Variants in ZSWIM6 observed in about 807,000 individuals in gnomAD.
ZSWIM6 encodes the protein zinc finger SWIM domain-containing protein 6.
Under a neutral mutation model 113.2 loss-of-function variants are expected in ZSWIM6, and 9 were observed. That is an observed-to-expected ratio of 0.08 (90% CI 0.05 to 0.14). ZSWIM6 has a LOEUF of 0.14. ZSWIM6 is among the 10% of genes least tolerant of loss of function. The probability of loss-of-function intolerance (pLI) is 1.00; values close to 1 mark genes in which losing one functional copy is unlikely to be tolerated. For synonymous variants in ZSWIM6, 611 were observed against 606.5 expected, an observed-to-expected ratio of 1.01 and a Z score of -0.11; for missense variants, 1,162 against 1,552.2, an observed-to-expected ratio of 0.75 and a Z score of 4.22.
At chr5:61,379,369 GT>G (rs1205495914) in intron 1 of ZSWIM6, among the ~76,000 whole-genome samples, 1 of 150,330 alleles carries the variant, frequency 6.7e-6, no homozygotes, top group African/African-American at 2.5e-5. Context: ...GATTTGTGAA[GT>G]GTTTTATTGC....
chr5:61,453,872 A>G lies in ZSWIM6; in HGVS notation c.677-18809A>G, dbSNP rs919394100. 8.6e-5 allele frequency among the ~76,000 whole-genome samples: 13 copies of G among 151,368 alleles called. No individual in the cohort carries two copies. In the South Asian group the frequency reaches 1.5e-3, roughly 17 times the overall value. ...TTATTAATAAAATATTGGGGGGGGG[A>G]AGATACTTTGAGGCTATGCAGATAT... On this transcript the variant is annotated intron_variant, in intron 1 of 13. Coordinates refer to ENST00000252744, the MANE Select transcript of ZSWIM6 (RefSeq NM_020928.2).
intron 1 of ZSWIM6, chr5:61,391,868 A>G (rs1745722774): frequency 6.0e-6 from 4 of 666,056 alleles, no homozygotes; most frequent in Non-Finnish European, 1.0e-5. Context: ...CTTCTGTGAG[A>G]CATCATGCCA....
rs374530523 is a variant in ZSWIM6 at position 61,464,300 on chromosome 5, C to T, written c.677-8381C>T. ...CCTCCCAAAGTGTTGGGATTACAGG[C>T]GTGAGCCACCATGCCTTGCCTCCCT... On this transcript the variant is annotated intron_variant, in intron 1 of 13. Coordinates refer to ENST00000252744, the MANE Select transcript of ZSWIM6 (RefSeq NM_020928.2). Among the ~76,000 whole-genome samples the T allele has an allele frequency of 1.2e-3, 187 of 150,474 alleles. 1 individual carries two copies. The highest frequency in any genetic ancestry group is 3.5e-3 in the African/African-American group (142 of 40,978).
chr5:61,427,278 A>T lies in ZSWIM6; in HGVS notation c.677-45403A>T, dbSNP rs12522321. On this transcript the variant is annotated intron_variant, in intron 1 of 13. Transcript: ENST00000252744. The stretch of plus-strand genomic sequence containing the variant: ...CCTAGGATGCTTAAGTCCCTTATAT[A>T]AAATGGCATTTGGCTATTTTATATA... Among the ~76,000 whole-genome samples, 481 of 152,330 alleles carry T rather than the reference A, an allele frequency of 3.2e-3. 9 individuals are homozygous for T. The East Asian group carries it at 0.044, about 14-fold the overall frequency.
intron 1 of ZSWIM6, among the ~76,000 whole-genome samples, chr5:61,435,694 G>A (rs910904360): frequency 2.0e-5 from 3 of 152,006 alleles, no homozygotes; most frequent in Admixed American, 6.6e-5. Flanking sequence ...CAACTGTTAC[G>A]GATTACATTT....
At chr5:61,463,199 A>C (rs1018342150) in intron 1 of ZSWIM6, among the ~76,000 whole-genome samples, 37 of 152,250 alleles carry the variant, frequency 2.4e-4, no homozygotes, top group Non-Finnish European at 5.0e-4. Context: ...AAGTATTAAT[A>C]ACTATGATAG....
chr5:61,506,631 A>G (rs1419305397), intron 4 of ZSWIM6, among the ~76,000 whole-genome samples: 1 of 152,172 alleles, frequency 6.6e-6, no homozygotes, highest in Admixed American at 6.6e-5. Flanking sequence ...ATATTAAGAC[A>G]GCATTGTACT....
chr5:61,344,990 T>C (rs752460089), intron 1 of ZSWIM6, among the ~76,000 whole-genome samples: 2 of 152,176 alleles, frequency 1.3e-5, no homozygotes, highest in Non-Finnish European at 2.9e-5. Flanking sequence ...TTATTTTAGG[T>C]AGGAGAAAGA....
intron 1 of ZSWIM6, among the ~76,000 whole-genome samples, chr5:61,348,163 G>A (rs1158746582): frequency 2.6e-5 from 4 of 152,200 alleles, no homozygotes; most frequent in Non-Finnish European, 4.4e-5. Flanking sequence ...GGAGCTTGCA[G>A]TGAGCTGAGA....
chr5:61,534,190 A>G (rs890012666), intron 9 of ZSWIM6, among the ~76,000 whole-genome samples: 2 of 152,232 alleles, frequency 1.3e-5, no homozygotes, highest in Admixed American at 6.5e-5. Context: ...TCATAATGCT[A>G]TATGAACTTT....
intron 1 of ZSWIM6, among the ~76,000 whole-genome samples, chr5:61,446,119 C>T (rs543640067): frequency 7.9e-5 from 12 of 152,146 alleles, no homozygotes; most frequent in Non-Finnish European, 1.6e-4. Flanking sequence ...CTCCACCTCC[C>T]GGGTTCAAGT....
rs1561286992 is a variant in ZSWIM6 at position 61,543,364 on chromosome 5, C to T, written c.2786-91C>T. The T allele has an allele frequency of 3.5e-6, 5 of 1,415,930 alleles. No homozygotes were observed. The South Asian group carries it at 5.7e-5, about 16-fold the overall frequency. 87.7% of individuals were successfully genotyped at this position (1,415,930 alleles called of 1,614,324 possible). On this transcript the variant is annotated intron_variant, in intron 13 of 13. Coordinates refer to ENST00000252744, the MANE Select transcript of ZSWIM6 (RefSeq NM_020928.2). The surrounding 1 kb of genome is among the most constrained non-coding windows in gnomAD (Gnocchi z 4.3). The stretch of plus-strand genomic sequence containing the variant: ...CTAGCTCATGTCCTATGATGGTTAA[C>T]AATGTAAACACTGGTTGTAAAAGTC...
intron 1 of ZSWIM6, among the ~76,000 whole-genome samples, chr5:61,348,078 G>C (rs776079985): frequency 7.9e-5 from 12 of 152,094 alleles, no homozygotes; most frequent in Non-Finnish European, 1.3e-4. Context: ...AAAGTTAGCC[G>C]GGTGTGGTGG....
chr5:61,453,050 A>G (rs1747119086), intron 1 of ZSWIM6, among the ~76,000 whole-genome samples: 1 of 152,278 alleles, frequency 6.6e-6, no homozygotes, highest in East Asian at 1.9e-4. Context: ...TTCTCATTGC[A>G]TTGTATCAGG....
chr5:61,382,403 A>T (rs1485825466), intron 1 of ZSWIM6, among the ~76,000 whole-genome samples: 3 of 152,248 alleles, frequency 2.0e-5, no homozygotes, highest in African/African-American at 7.2e-5. Context: ...CATAGCAATT[A>T]GTAATAAAAT....
At chr5:61,460,070 T>G (rs747868828) in intron 1 of ZSWIM6, among the ~76,000 whole-genome samples, 3 of 152,208 alleles carry the variant, frequency 2.0e-5, no homozygotes, top group Non-Finnish European at 4.4e-5. Context: ...ATAAGAAGGT[T>G]GACTTTCAAC....
intron 1 of ZSWIM6, among the ~76,000 whole-genome samples, chr5:61,471,028 A>T (rs879657283): frequency 6.6e-5 from 10 of 152,222 alleles, no homozygotes; most frequent in Non-Finnish European, 1.5e-4. Context: ...CTGCAGCTCC[A>T]TGTGCACCAC....
chr5:61,414,311 A>G (rs1746204234), intron 1 of ZSWIM6, among the ~76,000 whole-genome samples: 1 of 152,040 alleles, frequency 6.6e-6, no homozygotes, highest in Admixed American at 6.6e-5. Context: ...AAAAAGAAGA[A>G]AGAAGCCAAG....
Position 61,332,332 on chromosome 5 carries a change from C to A in ZSWIM6, c.60C>A (p.Gly20=), listed in dbSNP as rs1579933350. Residue 20 remains glycine, a synonymous_variant, in exon 1 of 14, where the codon GGC becomes GGA. Transcript: ENST00000252744. ...PAKRLCCRPG[G]GGGGGGSSGG... ...AACGGCTTTGCTGCCGGCCGGGCGG[C>A]GGCGGCGGCGGCGGGGGCAGCAGCG... is the stretch of plus-strand genomic sequence containing the variant. 4.1e-6 allele frequency: 4 copies of A among 974,254 alleles called. No homozygotes were observed. In the East Asian group the frequency reaches 2.2e-4, roughly 54 times the overall value. The allele number at this position is 974,254 out of a possible 1,614,324, so 60.4% of individuals were successfully genotyped here. A position where few individuals can be genotyped will look rare whatever the true frequency, so the allele number is the denominator to read the frequency against.
Sources: gnomAD v4.1 joint callset for allele counts (sites outside exome capture counted in the v4.1 genomes callset) on GRCh38, gnomAD v4.1.1 for gene constraint, Gnocchi (gnomAD v3.1) non-coding constraint, MANE v1.5 for transcripts, NCBI Gene and HGNC (gene_info 2026-07-23, HGNC 2026-07-21) for gene names.